CDKN2B-AS1: variants seen among roughly 807,000 people sequenced by gnomAD.
CDKN2B-AS1 encodes CDKN2B and CDKN2A antisense cis and trans regulatory RNA 1.
intron 4 of CDKN2B-AS1, among the ~76,000 whole-genome samples, chr9:22,095,549 A>G (rs1464415641): frequency 6.6e-6 from 1 of 151,020 alleles, no homozygotes; most frequent in Non-Finnish European, 1.5e-5. Flanking sequence ...TGGTTCTGAG[A>G]AGAATGTATA....
chr9:22,005,738 A>G lies in CDKN2B-AS1; in HGVS notation n.29+10577A>G. 1 of 599,160 alleles carries G rather than the reference A, an allele frequency of 1.7e-6. No individual in the cohort carries two copies. The highest frequency in any genetic ancestry group is 3.0e-6 in the Non-Finnish European group (1 of 337,648). 37.1% of individuals were successfully genotyped at this position (599,160 alleles called of 1,614,324 possible). ...GACCCCTGGAATGTCACACACTCCT[A>G]AATATCCCTGGAAATCCGCTTCTCT... On this transcript the variant is annotated intron_variant and non_coding_transcript_variant, in intron 1 of 4. Transcript: ENST00000650946. The surrounding 1 kb of genome is among the most constrained non-coding windows in gnomAD (Gnocchi z 4.9).
At chr9:22,105,281 G>A (rs1198336135) in intron 4 of CDKN2B-AS1, among the ~76,000 whole-genome samples, 1 of 152,178 alleles carries the variant, frequency 6.6e-6, no homozygotes, top group Non-Finnish European at 1.5e-5. Flanking sequence ...AGGTTTCAGT[G>A]CATATTCTGG....
rs188870690 is a variant in CDKN2B-AS1 at position 22,091,730 on chromosome 9, G to A, written n.438+35343G>A. 2.0e-4 allele frequency among the ~76,000 whole-genome samples: 30 copies of A among 152,228 alleles called. No homozygotes were observed. The Middle Eastern group carries it at 0.01, about 52-fold the overall frequency. ...AGCTTGAGGAGATTTTGGCTGAGAC[G>A]ATGGGGTTTTCTAGATATACAATCA... On this transcript the variant is annotated intron_variant and non_coding_transcript_variant, in intron 4 of 4. Transcript: ENST00000650946.
At chr9:22,089,330 A>G (rs1198269832) in intron 4 of CDKN2B-AS1, among the ~76,000 whole-genome samples, 4 of 152,250 alleles carry the variant, frequency 2.6e-5, no homozygotes, top group Non-Finnish European at 5.9e-5. Context: ...TGATACAATT[A>G]TTTACATAAC....
At chr9:22,016,710 T>G (rs947331569) in intron 1 of CDKN2B-AS1, among the ~76,000 whole-genome samples, 1 of 152,292 alleles carries the variant, frequency 6.6e-6, no homozygotes, top group Middle Eastern at 3.4e-3. Flanking sequence ...GGATTCCCTA[T>G]TGAATAAATG....
In CDKN2B-AS1 at chr9:22,005,851, T is replaced by C. The variant is rs1821145190; in HGVS notation, n.29+10690T>C. On this transcript the variant is annotated intron_variant and non_coding_transcript_variant, in intron 1 of 4. Coordinates refer to ENST00000650946, the Ensembl canonical transcript of CDKN2B-AS1. The surrounding 1 kb of genome is among the most constrained non-coding windows in gnomAD (Gnocchi z 4.9). ...TTATTCCCGGTCGGCTCCTCCTTCC[T>C]GTGAGTCTCAGACAGGCTTGCAGGC... is the stretch of plus-strand genomic sequence containing the variant. 3 of 1,222,806 alleles carry C rather than the reference T, an allele frequency of 2.5e-6. No individual in the cohort carries two copies. Among genetic ancestry groups the C allele is most frequent in the African/African-American group, 1.5e-5 (1 of 67,090 alleles). The allele number at this position is 1,222,806 out of a possible 1,614,324, so 75.7% of individuals were successfully genotyped here. A position where few individuals can be genotyped will look rare whatever the true frequency, so the allele number is the denominator to read the frequency against.
At chr9:22,018,868 G>T (rs1821899930) in intron 1 of CDKN2B-AS1, among the ~76,000 whole-genome samples, 1 of 152,252 alleles carries the variant, frequency 6.6e-6, no homozygotes, top group Non-Finnish European at 1.5e-5. Flanking sequence ...CTAGGTACAG[G>T]TGATAAACAA....
intron 1 of CDKN2B-AS1, among the ~76,000 whole-genome samples, chr9:22,021,603 A>G (rs930181954): frequency 3.9e-5 from 6 of 152,072 alleles, no homozygotes; most frequent in African/African-American, 1.4e-4. Flanking sequence ...GATTTCCTTG[A>G]GCAGTAGTTT....
intron 1 of CDKN2B-AS1, among the ~76,000 whole-genome samples, chr9:22,010,524 G>T (rs1247832168): frequency 6.6e-6 from 1 of 151,916 alleles, no homozygotes; most frequent in East Asian, 1.9e-4. Flanking sequence ...TTTTTTTTAG[G>T]ATACCTTAGC....
chr9:22,071,285 C>CTTTTGTTTTTTTTTTT (rs1824278457), intron 4 of CDKN2B-AS1, among the ~76,000 whole-genome samples: 1 of 67,588 alleles, frequency 1.5e-5, no homozygotes, highest in African/African-American at 7.0e-5. Context: ...AAATATCTAG[C>CTTTTGTTTTTTTTTTT]TTTTTTTTTT....
chr9:22,053,627 C>G (rs772902664), intron 3 of CDKN2B-AS1, among the ~76,000 whole-genome samples: 6 of 152,196 alleles, frequency 3.9e-5, no homozygotes, highest in Non-Finnish European at 7.3e-5. Context: ...CTTCTTTCTA[C>G]CACTTTCTTT....
chr9:22,018,273 C>T (rs1038380396), intron 1 of CDKN2B-AS1, among the ~76,000 whole-genome samples: 4 of 149,194 alleles, frequency 2.7e-5, no homozygotes, highest in African/African-American at 9.9e-5. Context: ...GAGTTTTCTC[C>T]ACAGCTTTGG....
chr9:22,109,929 A>G (rs945610070), intron 4 of CDKN2B-AS1, among the ~76,000 whole-genome samples: 1 of 152,052 alleles, frequency 6.6e-6, no homozygotes, highest in Non-Finnish European at 1.5e-5. Context: ...AAACACCAAC[A>G]ATAGGATCCT....
At chr9:22,089,254 C>A (rs1824976496) in intron 4 of CDKN2B-AS1, among the ~76,000 whole-genome samples, 1 of 152,062 alleles carries the variant, frequency 6.6e-6, no homozygotes, top group Non-Finnish European at 1.5e-5. Context: ...GTCTTTGGAG[C>A]AAATTTCAGT....
intron 1 of CDKN2B-AS1, among the ~76,000 whole-genome samples, chr9:22,015,785 T>C (rs1821726603): frequency 6.6e-6 from 1 of 152,220 alleles, no homozygotes; most frequent in Non-Finnish European, 1.5e-5. Flanking sequence ...ATGATTGCCA[T>C]TCTAACTGGT....
chr9:22,091,862 G>A (rs1825099325), intron 4 of CDKN2B-AS1, among the ~76,000 whole-genome samples: 1 of 152,150 alleles, frequency 6.6e-6, no homozygotes, highest in South Asian at 2.1e-4. Context: ...ACACTATGTT[G>A]AATAGGAGTG....
intron 4 of CDKN2B-AS1, among the ~76,000 whole-genome samples, chr9:22,071,365 T>A (rs1460212350): frequency 7.0e-6 from 1 of 142,168 alleles, no homozygotes; most frequent in Non-Finnish European, 1.5e-5. Flanking sequence ...AGTTGCGCGA[T>A]CTTGGCTCAC....
In CDKN2B-AS1 at chr9:21,999,262, GACAC is replaced by G. The variant is rs561607027; in HGVS notation, n.29+4107_29+4110del. Among the ~76,000 whole-genome samples the G allele has an allele frequency of 1.4e-3, 218 of 151,560 alleles. No homozygotes were observed. The highest frequency in any genetic ancestry group is 2.5e-3 in the Non-Finnish European group (171 of 67,844). On this transcript the variant is annotated intron_variant and non_coding_transcript_variant, in intron 1 of 4. Coordinates refer to ENST00000650946, the Ensembl canonical transcript of CDKN2B-AS1. This position sits in a 1 kb window ranked among gnomAD's most constrained non-coding sequence, Gnocchi z 4.7. ...TATTCCACTATTTTAAGTATGTAAA[GACAC>G]ACACAAATAATGTATGGAAATATAT...
intron 4 of CDKN2B-AS1, among the ~76,000 whole-genome samples, chr9:22,112,557 G>C (rs1587546523): frequency 6.6e-6 from 1 of 152,266 alleles, no homozygotes; most frequent in East Asian, 1.9e-4. Flanking sequence ...CACTTGGTTT[G>C]ACTGGGAGAA....
Sources: allele counts gnomAD v4.1 joint callset (sites outside exome capture counted in the v4.1 genomes callset), GRCh38; gene constraint gnomAD v4.1.1; non-coding constraint Gnocchi (gnomAD v3.1); transcripts MANE v1.5; gene names NCBI Gene and HGNC (gene_info 2026-07-23, HGNC 2026-07-21).